Variants in SATB2 observed in about 807,000 individuals in gnomAD.
SATB2 encodes the protein DNA-binding protein SATB2.
A neutral mutation model predicts 73.4 loss-of-function variants in SATB2; 1 was observed. The ratio of observed to expected loss-of-function variants is 0.01; its 90% confidence interval spans 0.00 to 0.06. SATB2 has a LOEUF of 0.06. Among genes scored for constraint, SATB2 ranks in the 10% least tolerant of loss-of-function variants. The pLI is 1.00. For missense variants in SATB2, 459 were observed against 945.8 expected (o/e 0.49, Z 6.75); for synonymous variants, 397 against 367.0 (o/e 1.08, Z -0.93).
In SATB2 at chr2:199,446,884, C is replaced by T. The variant is rs1337581807; in HGVS notation, c.169+8985G>A. Among the ~76,000 whole-genome samples, 4 of 152,284 alleles carry T rather than the reference C, an allele frequency of 2.6e-5. No homozygotes were observed. The East Asian group carries it at 7.7e-4, about 29-fold the overall frequency. ...CTATCTTGTTTCTTTCATTTTGTCACCTCAGGAAGGTTTTTAAATATTAAA... is the reference window on the plus strand; with the variant it reads ...CTATCTTGTTTCTTTCATTTTGTCATCTCAGGAAGGTTTTTAAATATTAAA... On this transcript the variant is annotated intron_variant, in intron 2 of 10. Transcript: ENST00000417098.
At chr2:199,386,594 T>A (rs1233198976) in intron 3 of SATB2, among the ~76,000 whole-genome samples, 1 of 152,182 alleles carries the variant, frequency 6.6e-6, no homozygotes, top group African/African-American at 2.4e-5. Context: ...TATACAGATG[T>A]TATTCCCAAC....
intron 3 of SATB2, chr2:199,396,385 C>A (rs1430713422): frequency 6.6e-6 from 1 of 152,096 alleles, no homozygotes; most frequent in African/African-American, 2.4e-5. Context: ...AATTCAATTG[C>A]CCAGAGTGGA....
At chr2:199,426,526 A>G (rs1691332678) in intron 3 of SATB2, among the ~76,000 whole-genome samples, 1 of 151,880 alleles carries the variant, frequency 6.6e-6, no homozygotes, top group African/African-American at 2.4e-5. Context: ...CAAACTCCTG[A>G]GCTCAGGTGC....
chr2:199,418,849 T>C (rs2105911604), intron 3 of SATB2, among the ~76,000 whole-genome samples: 1 of 152,288 alleles, frequency 6.6e-6, no homozygotes, highest in East Asian at 1.9e-4. Context: ...GAGTTCCTTT[T>C]TTCCCTCTTT....
At chr2:199,434,740 T>C (rs569700042) in intron 2 of SATB2, among the ~76,000 whole-genome samples, 1 of 152,200 alleles carries the variant, frequency 6.6e-6, no homozygotes, top group Non-Finnish European at 1.5e-5. Context: ...CCCTGACACA[T>C]AGAATGCATA....
At chr2:199,436,902 G>A (rs768667836) in intron 2 of SATB2, among the ~76,000 whole-genome samples, 144 of 148,988 alleles carry the variant, frequency 9.7e-4, no homozygotes, top group Non-Finnish European at 1.8e-3. Context: ...CAGGCAAAAA[G>A]AGGGAAAAAG....
intron 3 of SATB2, among the ~76,000 whole-genome samples, chr2:199,391,173 C>T (rs567323010): frequency 2.0e-5 from 3 of 152,094 alleles, no homozygotes; most frequent in South Asian, 4.1e-4. Context: ...AGGCCGGGCG[C>T]GGTGGCTCAC....
intron 5 of SATB2, among the ~76,000 whole-genome samples, chr2:199,373,208 G>A (rs1689501629): frequency 6.6e-6 from 1 of 152,136 alleles, no homozygotes; most frequent in South Asian, 2.1e-4. Flanking sequence ...CTTCATGAGG[G>A]AGAGAGCAAA....
At position 199,283,403 on chromosome 2, in the gene SATB2, T is replaced by C. The variant is rs1230440984; in HGVS notation, c.1741-10731A>G. Among the ~76,000 whole-genome samples the C allele has an allele frequency of 7.9e-5, 12 of 151,710 alleles. 1 individual carries two copies. Among genetic ancestry groups the C allele is most frequent in the Admixed American group, 6.6e-4 (10 of 15,248 alleles). ...CCACGCCCAGCCAAACATAAACTTT[T>C]TGACCTTGCTGAAATTCGCCGTGAG... On this transcript the variant is annotated intron_variant, in intron 10 of 10. Transcript: ENST00000417098.
intron 2 of SATB2, among the ~76,000 whole-genome samples, chr2:199,444,517 T>C (rs1691909297): frequency 6.6e-6 from 1 of 152,216 alleles, no homozygotes. Flanking sequence ...TATTTAAGGA[T>C]AAAATATTAA....
chr2:199,380,299 C>G (rs181937235), intron 5 of SATB2, 65 bp downstream of exon 5: 1 of 1,596,530 alleles, frequency 6.3e-7, no homozygotes, highest in African/African-American at 1.3e-5. Context: ...GCAGAAGGAA[C>G]CCCCTGATAG....
intron 5 of SATB2, among the ~76,000 whole-genome samples, chr2:199,379,497 AG>A (rs998368437): frequency 1.6e-4 from 24 of 152,146 alleles, no homozygotes; most frequent in Admixed American, 5.2e-4. Flanking sequence ...ACTTTGAAAC[AG>A]GGGGGTGGGG....
intron 6 of SATB2, among the ~76,000 whole-genome samples, chr2:199,352,231 T>C (rs757320162): frequency 6.6e-6 from 1 of 152,218 alleles, no homozygotes; most frequent in East Asian, 1.9e-4. Flanking sequence ...AATGCATTAT[T>C]TGACCAAACA....
chr2:199,401,009 G>A (rs1690456538), intron 3 of SATB2, among the ~76,000 whole-genome samples: 1 of 152,164 alleles, frequency 6.6e-6, no homozygotes, highest in South Asian at 2.1e-4. Context: ...TCAATCAGGT[G>A]TATTTTGTTG....
intron 3 of SATB2, among the ~76,000 whole-genome samples, chr2:199,389,424 T>C (rs1394874913): frequency 6.6e-6 from 1 of 151,442 alleles, no homozygotes; most frequent in Non-Finnish European, 1.5e-5. Flanking sequence ...CTTTATAACT[T>C]ACACAAATTA....
chr2:199,463,307 T>G lies in SATB2; in HGVS notation c.-141+1529A>C. 6.6e-6 allele frequency among the ~76,000 whole-genome samples: 1 copy of G among 151,508 alleles called. No homozygotes were observed. Among genetic ancestry groups the G allele is most frequent in the Non-Finnish European group, 1.5e-5 (1 of 67,840 alleles). ...GTAAACCGGGACAACAAGGCAAGGG[T>G]GGGGGAAGAAAAGGAAGCGCCGAAG... On this transcript the variant is annotated intron_variant, in intron 1 of 11. Coordinates refer to the SATB2 transcript ENST00000260926. This position sits in a 1 kb window ranked among gnomAD's most constrained non-coding sequence, Gnocchi z 6.4.
At chr2:199,274,866 C>G (rs1263035386) in intron 10 of SATB2, among the ~76,000 whole-genome samples, 1 of 152,012 alleles carries the variant, frequency 6.6e-6, no homozygotes. Context: ...CTGGTCAGGT[C>G]CACTTTCATG....
At chr2:199,418,968 C>T (rs1272451479) in intron 3 of SATB2, among the ~76,000 whole-genome samples, 2 of 152,210 alleles carry the variant, frequency 1.3e-5, no homozygotes, top group South Asian at 2.1e-4. Flanking sequence ...CAGTGAGAAA[C>T]CCATCACTGC....
chr2:199,370,928 T>G (rs2105852826), intron 5 of SATB2, among the ~76,000 whole-genome samples: 1 of 144,676 alleles, frequency 6.9e-6, no homozygotes, highest in South Asian at 2.2e-4. Context: ...CATAAACAGG[T>G]TTCAACTATG....
Sources: gnomAD v4.1 joint callset for allele counts (sites outside exome capture counted in the v4.1 genomes callset) on GRCh38, gnomAD v4.1.1 for gene constraint, Gnocchi (gnomAD v3.1) non-coding constraint, MANE v1.5 for transcripts, NCBI Gene and HGNC (gene_info 2026-07-23, HGNC 2026-07-21) for gene names.